Variants in MASP2 observed in about 807,000 individuals in gnomAD.
MASP2 encodes MBL associated serine protease 2.
MASP2 carries 49 observed loss-of-function variants against 57.1 expected under a neutral mutation model. The observed-to-expected ratio is 0.86, with a 90% CI of 0.68 to 1.09. The LOEUF is 1.09. Ranked by LOEUF, MASP2 falls within the 50% of genes least tolerant of loss-of-function variation. The probability of loss-of-function intolerance (pLI) is 0.00; values close to 1 mark genes in which losing one functional copy is unlikely to be tolerated. For missense variants in MASP2, 900 were observed against 874.8 expected (o/e 1.03, Z -0.36); for synonymous variants, 379 against 340.8 (o/e 1.11, Z -1.24).
In MASP2 at chr1:11,026,935, T is replaced by A. The variant is rs1289010289; in HGVS notation, c.2011A>T (p.Lys671Ter). The change falls in exon 11 of 11, where the codon AAA becomes TAA. Residue 671 changes from lysine to a stop codon, truncating the protein, a stop_gained. Transcript: ENST00000400897. LOFTEE classifies it high-confidence loss of function. Reference sequence around the variant, plus strand: ...ATCCAGGGAATATAGTTAATAACTTTTGTGTAGACTCCATACTGACCTGCT... The same window carrying A: ...ATCCAGGGAATATAGTTAATAACTTATGTGTAGACTCCATACTGACCTGCT... ...GEAGQYGVYTKVINYIPWIEN... is the reference protein window; with the variant it reads ...GEAGQYGVYT 1 of 1,513,776 alleles carries A rather than the reference T, an allele frequency of 6.6e-7. No homozygotes were observed. Among genetic ancestry groups the A allele is most frequent in the East Asian group, 2.3e-5 (1 of 43,646 alleles). 93.8% of individuals were successfully genotyped at this position (1,513,776 alleles called of 1,614,324 possible). A position where few individuals can be genotyped will look rare whatever the true frequency, so the allele number is the denominator to read the frequency against.
In MASP2 at chr1:11,026,758, T is replaced by G; in HGVS notation, c.*127A>C. 1 of 720,580 alleles carries G rather than the reference T, an allele frequency of 1.4e-6. No homozygotes were observed. The highest frequency in any genetic ancestry group is 2.1e-6 in the Non-Finnish European group (1 of 479,486). 44.6% of individuals were successfully genotyped at this position (720,580 alleles called of 1,614,324 possible). A position where few individuals can be genotyped will look rare whatever the true frequency, so the allele number is the denominator to read the frequency against. On this transcript the variant is annotated 3_prime_UTR_variant, in exon 11 of 11. Transcript: ENST00000400897. ...AATGACAGCAGCCTCACCTGGAGTC[T>G]GTTTTTTTGGGTGGAGCAACAACTG...
At position 11,026,836 on chromosome 1, in the gene MASP2, T is replaced by C. The variant is rs756974099; in HGVS notation, c.*49A>G. The C allele has an allele frequency of 1.4e-6, 2 of 1,441,526 alleles. No homozygotes were observed. Among genetic ancestry groups the C allele is most frequent in the Non-Finnish European group, 1.8e-6 (2 of 1,092,124 alleles). 89.3% of individuals were successfully genotyped at this position (1,441,526 alleles called of 1,614,324 possible). ...CTCGAGCCACGTCGCTGCCAAGGTC[T>C]TCACAGGCATTTCTAAAAATGAAGA... On this transcript the variant is annotated 3_prime_UTR_variant, in exon 11 of 11. Transcript: ENST00000400897.
intron 4 of MASP2, chr1:11,044,771 C>CCCACCCCACA: frequency 8.7e-7 from 1 of 1,152,858 alleles, no homozygotes; most frequent in African/African-American, 1.6e-5. Flanking sequence ...TCCCGACCCT[C>CCCACCCCACA]CCACCCCAGA....
intron 6 of MASP2, among the ~76,000 whole-genome samples, chr1:11,039,902 AGATG>A (rs374718124): frequency 0.037 from 4,575 of 122,080 alleles, 154 homozygotes; most frequent in Non-Finnish European, 0.046. Flanking sequence ...ATGGATGGAT[AGATG>A]GATGGATAGA....
chr1:11,030,974 G>A (rs9430176), intron 8 of MASP2, 92 bp from the exon 9 acceptor site: 40,284 of 1,342,370 alleles, frequency 0.03, 1,579 homozygotes, highest in East Asian at 0.19. Context: ...AGGCTGAGGC[G>A]GGCAAATCCC....
At chr1:11,044,659 G>C (rs1387969021) in intron 4 of MASP2, 1 of 783,962 alleles carries the variant, frequency 1.3e-6, no homozygotes, top group Admixed American at 3.0e-5. Context: ...CAAAACGGGG[G>C]GTGAGGCCAA....
rs772063806 is a variant in MASP2 at position 11,045,446 on chromosome 1, G to GC, written c.505dup (p.Ala169GlyfsTer8). On this transcript the variant is annotated frameshift_variant, in exon 4 of 11. Transcript: ENST00000400897. LOFTEE classifies it high-confidence loss of function. ...CTTGTTACGGTGCAGGACGTAGCCT[G>GC]CGCGGCAGGAGCAGTAGAAACCGCC... The GC allele has an allele frequency of 1.2e-5, 20 of 1,613,134 alleles. No homozygotes were observed. In the Admixed American group the frequency reaches 3.3e-4, roughly 27 times the overall value.
At chr1:11,031,001 G>T in intron 8 of MASP2, 119 bp from the exon 9 acceptor site, 2 of 1,025,434 alleles carry the variant, frequency 2.0e-6, no homozygotes, top group Non-Finnish European at 2.8e-6. Context: ...TCAGGAGTTT[G>T]AGACCAGCCT....
Position 11,026,774 on chromosome 1 carries a change from GCAA to G in MASP2, c.*108_*110del. The G allele has an allele frequency of 1.1e-6, 1 of 898,556 alleles. No homozygotes were observed. Among genetic ancestry groups the G allele is most frequent in the East Asian group, 3.0e-5 (1 of 33,192 alleles). The allele number at this position is 898,556 out of a possible 1,614,324, so 55.7% of individuals were successfully genotyped here. A position where few individuals can be genotyped will look rare whatever the true frequency, so the allele number is the denominator to read the frequency against. ...CCTGGAGTCTGTTTTTTTGGGTGGA[GCAA>G]CAACTGCCATGTCCACAGTAATGAT... On this transcript the variant is annotated 3_prime_UTR_variant, in exon 11 of 11. Coordinates refer to ENST00000400897, the MANE Select transcript of MASP2 (RefSeq NM_006610.4).
intron 4 of MASP2, among the ~76,000 whole-genome samples, chr1:11,043,910 G>A (rs910663): frequency 0.74 from 109,801 of 148,976 alleles, 40,682 homozygotes; most frequent in Non-Finnish European, 0.78. Context: ...AGGCTCTGCC[G>A]GGGCGGGGGG....
At chr1:11,043,633 A>T in intron 4 of MASP2, 98 bp from the exon 5 acceptor site, 52 of 773,736 alleles carry the variant, frequency 6.7e-5, no homozygotes, top group East Asian at 1.5e-4. Context: ...AAACTGGGAC[A>T]GGGATGTGGC....
At chr1:11,039,773 A>AGGACG in intron 6 of MASP2, among the ~76,000 whole-genome samples, 1 of 147,152 alleles carries the variant, frequency 6.8e-6, no homozygotes, top group Non-Finnish European at 1.5e-5. Context: ...TGTGGGTAGA[A>AGGACG]GGTCGGGTGG....
chr1:11,033,926 G>A (rs1244695756), intron 8 of MASP2, among the ~76,000 whole-genome samples: 5 of 140,024 alleles, frequency 3.6e-5, no homozygotes, highest in African/African-American at 1.1e-4. Context: ...GTGAGACTCC[G>A]ACACACACAC....
rs183558036 is a variant in MASP2, at chr1:11,036,069, C to A, written c.1009-1163G>T. Reference sequence around the variant, plus strand: ...TCTGTGTGCTGTCCATCAGCTTTCACCGCCAGCGTCATTCACAGGGAAACA... The same window carrying A: ...TCTGTGTGCTGTCCATCAGCTTTCAACGCCAGCGTCATTCACAGGGAAACA... On this transcript the variant is annotated intron_variant, in intron 7 of 10. Transcript: ENST00000400897. Among the ~76,000 whole-genome samples the A allele has an allele frequency of 4.7e-4, 72 of 152,276 alleles. No homozygotes were observed. In the East Asian group the frequency reaches 0.013, roughly 28 times the overall value.
chr1:11,042,400 ATG>A (rs1428425386), intron 6 of MASP2, among the ~76,000 whole-genome samples: 53 of 23,776 alleles, frequency 2.2e-3, no homozygotes, highest in African/African-American at 3.1e-3. Flanking sequence ...GATGGATTGG[ATG>A]GATGGATGGA....
In MASP2 at chr1:11,027,702, TTTC is replaced by T; in HGVS notation, c.1298-57_1298-55del. 2.6e-6 allele frequency: 4 copies of T among 1,520,596 alleles called. No individual in the cohort carries two copies. The South Asian group carries it at 5.2e-5, about 20-fold the overall frequency. 94.2% of individuals were successfully genotyped at this position (1,520,596 alleles called of 1,614,324 possible). A position where few individuals can be genotyped will look rare whatever the true frequency, so the allele number is the denominator to read the frequency against. ...CCTTTGTAAAAATGTCAATCGTGTT[TTTC>T]TTAAATTATGACCGCCTTGAAGTAT... On this transcript the variant is annotated intron_variant, in intron 10 of 10. Transcript: ENST00000400897.
chr1:11,044,782 G>T, intron 4 of MASP2: 1 of 1,379,434 alleles, frequency 7.2e-7, no homozygotes, highest in Non-Finnish European at 9.6e-7. Context: ...CCACCCCAGA[G>T]ACACGTGGCA....
At chr1:11,046,776 C>A in intron 2 of MASP2, 43 bp from the exon 3 acceptor site, 1 of 1,588,826 alleles carries the variant, frequency 6.3e-7, no homozygotes, top group South Asian at 1.1e-5. Flanking sequence ...AAGACCCAGG[C>A]CTGATCTCCC....
chr1:11,041,425 T>TGGATGGAG (rs1355920501), intron 6 of MASP2, among the ~76,000 whole-genome samples: 2 of 139,184 alleles, frequency 1.4e-5, no homozygotes, highest in Non-Finnish European at 3.2e-5. Flanking sequence ...GATGGATGGA[T>TGGATGGAG]GGATGGATGG....
Sources: allele counts gnomAD v4.1 joint callset (sites outside exome capture counted in the v4.1 genomes callset), GRCh38; gene constraint gnomAD v4.1.1; transcripts MANE v1.5; gene names NCBI Gene and HGNC (gene_info 2026-07-23, HGNC 2026-07-21).